Variants in ITIH2 observed in about 807,000 individuals in gnomAD.
ITIH2 encodes inter-alpha-trypsin inhibitor heavy chain H2.
A neutral mutation model predicts 104.4 loss-of-function variants in ITIH2; 103 were observed. The ratio of observed to expected loss-of-function variants is 0.99; its 90% CI spans 0.84 to 1.16. The LOEUF is 1.16. Among genes scored for constraint, ITIH2 ranks in the 50% most tolerant of loss-of-function variants. The pLI is 0.00. For missense variants in ITIH2, 1,108 were observed against 1,162.4 expected (o/e 0.95, Z 0.68); for synonymous variants, 436 against 435.4 (o/e 1.00, Z -0.02).
At position 7,734,928 on chromosome 10, in the gene ITIH2, G is replaced by T. The variant is rs754250479; in HGVS notation, c.1794G>T (p.Leu598=). The T allele has an allele frequency of 2.5e-6, 4 of 1,611,280 alleles. No individual in the cohort carries two copies. The highest frequency in any genetic ancestry group is 8.5e-7 in the Non-Finnish European group (1 of 1,179,674). The change falls in exon 15 of 21, where the codon CTG becomes CTT. Residue 598 remains leucine, a synonymous_variant. Transcript: ENST00000358415. The part of the protein sequence containing the change: ...TINQLLAERS[L]APTAAAKRRI... ...CTCTACTTCTTGAATACAGAAGCCT[G>T]GCTCCTACAGCTGCCGCCAAGAGAA... is the stretch of plus-strand genomic sequence containing the variant.
chr10:7,748,423 C>T (rs1401154321), intron 20 of ITIH2, among the ~76,000 whole-genome samples: 5 of 143,010 alleles, frequency 3.5e-5, no homozygotes, highest in African/African-American at 1.3e-4. Context: ...TTGTTGGCTA[C>T]TTTGCCCTTC....
chr10:7,734,872 C>T, intron 14 of ITIH2, 50 bp from the exon 15 acceptor site: 2 of 1,519,418 alleles, frequency 1.3e-6, no homozygotes, highest in South Asian at 1.2e-5. Context: ...GACTTGCGCT[C>T]CCCCTCCAAT....
rs1835005490 is a variant in ITIH2, at chr10:7,731,826, G to A, written c.1477G>A (p.Val493Ile). 6.2e-7 allele frequency: 1 copy of A among 1,605,974 alleles called. No homozygotes were observed. Among genetic ancestry groups the A allele is most frequent in the African/African-American group, 1.3e-5 (1 of 74,534 alleles). The change falls in exon 13 of 21, where the codon GTC becomes ATC. Residue 493 changes from valine to isoleucine, a missense_variant. Physicochemically the swap from Val to Ile is conservative, Grantham distance 29. Transcript: ENST00000358415. The stretch of plus-strand genomic sequence containing the variant: ...TGAATTGTAGAAATTCTACAACCAG[G>A]TCTCCACTCCATTGCTCCGGAATGT... Reference protein sequence around the residue: ...SSQLKKFYNQVSTPLLRNVQF... With the variant: ...SSQLKKFYNQISTPLLRNVQF...
rs1281137140 is a variant in ITIH2 at position 7,703,424 on chromosome 10, T to C, written c.-11T>C. On this transcript the variant is annotated 5_prime_UTR_variant, in exon 1 of 21. Transcript: ENST00000358415. ...TCTGCTTTGGGGAGCTTGGCAAAAC[T>C]GTCCAGCAAAATGAAAAGACTCACG... The C allele has an allele frequency of 1.9e-6, 3 of 1,611,332 alleles. No homozygotes were observed. The highest frequency in any genetic ancestry group is 8.5e-7 in the Non-Finnish European group (1 of 1,177,456).
At position 7,731,591 on chromosome 10, in the gene ITIH2, G is replaced by T. The variant is rs550125764; in HGVS notation, c.1462-220G>T. Among the ~76,000 whole-genome samples the T allele has an allele frequency of 2.6e-5, 4 of 152,262 alleles. No homozygotes were observed. The East Asian group carries it at 7.8e-4, about 30-fold the overall frequency. The stretch of plus-strand genomic sequence containing the variant: ...AATACAAAAATTAGCCGGGCTTGGT[G>T]GCGGGTGCCCGTAATCCCAGCTACT... On this transcript the variant is annotated intron_variant, in intron 12 of 20. Coordinates refer to ENST00000358415, the MANE Select transcript of ITIH2 (RefSeq NM_002216.3).
intron 12 of ITIH2, among the ~76,000 whole-genome samples, chr10:7,730,428 C>T (rs1266551225): frequency 6.6e-6 from 1 of 152,204 alleles, no homozygotes; most frequent in African/African-American, 2.4e-5. Context: ...TCTCCTGCCC[C>T]ACCAGCAATT....
In ITIH2 at chr10:7,732,363, C is replaced by A; in HGVS notation, c.1673C>A (p.Thr558Asn). The A allele has an allele frequency of 6.2e-7, 1 of 1,614,032 alleles. No individual in the cohort carries two copies. Among genetic ancestry groups the A allele is most frequent in the Non-Finnish European group, 8.5e-7 (1 of 1,179,952 alleles). ...GCTAACACGCAGTTAGTCTTGGAGA[C>A]CCTGGCCCAGATGGACGACTTGCAG... ...TSANTQLVLE[T>N]LAQMDDLQDF... The change falls in exon 14 of 21, where the codon ACC becomes AAC. Residue 558 changes from threonine to asparagine, a missense_variant. Coordinates refer to ENST00000358415, the MANE Select transcript of ITIH2 (RefSeq NM_002216.3).
intron 15 of ITIH2, among the ~76,000 whole-genome samples, chr10:7,735,406 T>C (rs148124584): frequency 4.6e-5 from 7 of 150,706 alleles, no homozygotes; most frequent in Non-Finnish European, 1.0e-4. Flanking sequence ...TAAAGAAAAG[T>C]TTTTTTTCAT....
chr10:7,722,446 G>A (rs1188110117), intron 8 of ITIH2, among the ~76,000 whole-genome samples: 1 of 152,098 alleles, frequency 6.6e-6, no homozygotes, highest in Non-Finnish European at 1.5e-5. Context: ...AGTCCAGCTG[G>A]GGCAGCCTCT....
At chr10:7,711,644 G>A (rs2130939208) in intron 4 of ITIH2, among the ~76,000 whole-genome samples, 1 of 152,236 alleles carries the variant, frequency 6.6e-6, no homozygotes, top group South Asian at 2.1e-4. Flanking sequence ...CCTGTCTCCT[G>A]GGGTCTGATG....
intron 12 of ITIH2, 40 bp from the exon 13 acceptor site, chr10:7,731,771 G>A (rs762345650): frequency 7.3e-7 from 1 of 1,371,398 alleles, no homozygotes; most frequent in Non-Finnish European, 1.0e-6. Flanking sequence ...CTACAAAGCA[G>A]TAGGAACATA....
At chr10:7,732,894 A>T (rs1258419874) in intron 14 of ITIH2, among the ~76,000 whole-genome samples, 3 of 151,684 alleles carry the variant, frequency 2.0e-5, no homozygotes, top group African/African-American at 7.3e-5. Flanking sequence ...CGCCCAGCTA[A>T]TTTTTTTGTA....
chr10:7,734,805 C>T lies in ITIH2; in HGVS notation c.1788-117C>T, dbSNP rs1835036990. 5 of 800,156 alleles carry T rather than the reference C, an allele frequency of 6.2e-6. No homozygotes were observed. In the East Asian group the frequency reaches 1.2e-4, roughly 20 times the overall value. 49.6% of individuals were successfully genotyped at this position (800,156 alleles called of 1,614,324 possible). On this transcript the variant is annotated intron_variant, in intron 14 of 20. Coordinates refer to ENST00000358415, the MANE Select transcript of ITIH2 (RefSeq NM_002216.3). ...GTTCTGTTTCCCAGTTACTTTGCGG[C>T]TCCGCCCCACCCCCAGGTTGGACCC...
intron 15 of ITIH2, among the ~76,000 whole-genome samples, chr10:7,735,665 TTTTCTTTTC>T (rs1417196518): frequency 6.8e-5 from 10 of 146,764 alleles, no homozygotes; most frequent in African/African-American, 2.3e-4. Context: ...TTTTCTTTTC[TTTTCTTTTC>T]TTTTTTTTTT....
At chr10:7,737,711 TATATTCTATATA>T (rs1564305725) in intron 15 of ITIH2, among the ~76,000 whole-genome samples, 653 of 17,992 alleles carry the variant, frequency 0.036, 189 homozygotes, top group African/African-American at 0.038. Flanking sequence ...TATTCTATAT[TATATTCTATATA>T]ATATTCTATA....
chr10:7,726,113 G>C (rs1470165914), intron 9 of ITIH2, among the ~76,000 whole-genome samples: 1 of 152,160 alleles, frequency 6.6e-6, no homozygotes, highest in Non-Finnish European at 1.5e-5. Flanking sequence ...GAGTGACAGG[G>C]ATGAAAACCC....
intron 6 of ITIH2, among the ~76,000 whole-genome samples, chr10:7,719,124 G>C (rs111956865): frequency 3.3e-5 from 5 of 152,280 alleles, no homozygotes; most frequent in Admixed American, 3.3e-4. Flanking sequence ...CCGGAGACAC[G>C]GGAGATGAAA....
chr10:7,747,957 G>A (rs957065738), intron 20 of ITIH2, among the ~76,000 whole-genome samples: 6 of 151,748 alleles, frequency 4.0e-5, no homozygotes, highest in Admixed American at 2.6e-4. Flanking sequence ...TGTAATCCCA[G>A]CACTTTGCAA....
At chr10:7,715,264 T>C (rs900239656) in intron 5 of ITIH2, among the ~76,000 whole-genome samples, 2 of 151,950 alleles carry the variant, frequency 1.3e-5, no homozygotes, top group Non-Finnish European at 2.9e-5. Context: ...CTACTAAAAT[T>C]ACGTAAATTA....
Sources: allele counts gnomAD v4.1 joint callset (sites outside exome capture counted in the v4.1 genomes callset), GRCh38; gene constraint gnomAD v4.1.1; transcripts MANE v1.5; gene names NCBI Gene and HGNC (gene_info 2026-07-23, HGNC 2026-07-21).